CDH13: variants seen among roughly 807,000 people sequenced by gnomAD.
CDH13 encodes cadherin 13.
In CDH13, 24 loss-of-function variants were observed where a neutral mutation model predicts 63.8. That is an observed-to-expected ratio of 0.38 (90% CI 0.27 to 0.53). The LOEUF is 0.53. Among genes scored for constraint, CDH13 ranks in the 20% least tolerant of loss-of-function variants. The pLI, the probability that CDH13 is intolerant of heterozygous loss-of-function variation, is 0.85. For synonymous variants in CDH13, 503 were observed against 355.3 expected, an observed-to-expected ratio of 1.42 and a Z score of -4.67; for missense variants, 1,049 against 903.1, an observed-to-expected ratio of 1.16 and a Z score of -2.07.
At chr16:83,587,425 C>A (rs1906275214) in intron 7 of CDH13, among the ~76,000 whole-genome samples, 1 of 152,186 alleles carries the variant, frequency 6.6e-6, no homozygotes, top group Non-Finnish European at 1.5e-5. Context: ...CGGTGAGCTC[C>A]TGTGCTTCTG....
At chr16:83,699,451 T>A (rs765873971) in intron 10 of CDH13, among the ~76,000 whole-genome samples, 7 of 152,204 alleles carry the variant, frequency 4.6e-5, no homozygotes, top group Non-Finnish European at 7.4e-5. Context: ...TCCCAAGATT[T>A]CTGCAAATTC....
At chr16:82,636,288 T>C (rs1312423888) in intron 1 of CDH13, among the ~76,000 whole-genome samples, 1 of 151,902 alleles carries the variant, frequency 6.6e-6, no homozygotes, top group Non-Finnish European at 1.5e-5. Context: ...AGGGCTTCTC[T>C]ATGTGGGAGT....
chr16:82,791,591 C>G (rs2036307608), intron 1 of CDH13, among the ~76,000 whole-genome samples: 1 of 152,176 alleles, frequency 6.6e-6, no homozygotes, highest in South Asian at 2.1e-4. Context: ...TGAGCTTTCG[C>G]TCACCATCCA....
chr16:83,378,687 C>T (rs145536326), intron 6 of CDH13, among the ~76,000 whole-genome samples: 433 of 152,216 alleles, frequency 2.8e-3, no homozygotes, highest in African/African-American at 9.2e-3. Context: ...CTTGACTGCT[C>T]TGAGCCTTAG....
chr16:83,345,142 T>G, intron 6 of CDH13, 136 bp downstream of exon 6: 1 of 963,046 alleles, frequency 1.0e-6, no homozygotes, highest in Non-Finnish European at 1.5e-6. Flanking sequence ...CTTCCCTGCG[T>G]AGAAGCCAGG....
intron 4 of CDH13, among the ~76,000 whole-genome samples, chr16:83,200,074 C>G (rs1273397153): frequency 6.6e-6 from 1 of 152,154 alleles, no homozygotes; most frequent in African/African-American, 2.4e-5. Flanking sequence ...TCATTCCTTA[C>G]CTGATTCACA....
chr16:83,624,119 C>G (rs1910059064), intron 8 of CDH13, among the ~76,000 whole-genome samples: 1 of 152,168 alleles, frequency 6.6e-6, no homozygotes, highest in South Asian at 2.1e-4. Context: ...GCTGTCAGCT[C>G]TGCCTGTCTC....
At chr16:83,405,711 A>G (rs528978142) in intron 6 of CDH13, among the ~76,000 whole-genome samples, 9 of 152,316 alleles carry the variant, frequency 5.9e-5, no homozygotes, top group Admixed American at 3.9e-4. Context: ...CACACTCTGT[A>G]TGTGCACTGA....
intron 3 of CDH13, among the ~76,000 whole-genome samples, chr16:83,108,012 G>A (rs1430266570): frequency 6.6e-6 from 1 of 151,890 alleles, no homozygotes; most frequent in East Asian, 1.9e-4. Flanking sequence ...TAGTAGAGAC[G>A]GGGTTTCACC....
Position 82,961,158 on chromosome 16 carries a change from C to T in CDH13, c.158-70852C>T, listed in dbSNP as rs1031711449. 3.3e-5 allele frequency among the ~76,000 whole-genome samples: 5 copies of T among 152,170 alleles called. No individual in the cohort carries two copies. The East Asian group carries it at 5.8e-4, about 18-fold the overall frequency. On this transcript the variant is annotated intron_variant, in intron 2 of 13. Transcript: ENST00000567109. Reference sequence around the variant, plus strand: ...GCTGAATCCGACTCAGGCTTCATCCCAGCTCACATTCCACCTTCCCGACAA... The same window carrying T: ...GCTGAATCCGACTCAGGCTTCATCCTAGCTCACATTCCACCTTCCCGACAA...
intron 1 of CDH13, among the ~76,000 whole-genome samples, chr16:82,689,451 A>G (rs1372204849): frequency 6.6e-6 from 1 of 152,058 alleles, no homozygotes; most frequent in Admixed American, 6.6e-5. Context: ...ATAACATTGG[A>G]TTTTTTGTGG....
intron 1 of CDH13, among the ~76,000 whole-genome samples, chr16:82,674,229 G>C (rs1408531098): frequency 6.6e-6 from 1 of 152,126 alleles, no homozygotes; most frequent in Non-Finnish European, 1.5e-5. Context: ...ATTGGCCTAT[G>C]GAAGTCACCA....
At chr16:82,714,570 T>C (rs1213352409) in intron 1 of CDH13, among the ~76,000 whole-genome samples, 1 of 151,352 alleles carries the variant, frequency 6.6e-6, no homozygotes, top group Non-Finnish European at 1.5e-5. Context: ...ATAAATTAGC[T>C]GGGTGTGTTG....
At position 83,693,171 on chromosome 16, in the gene CDH13, C is replaced by T. The variant is rs1198380403; in HGVS notation, c.1538+14710C>T. On this transcript the variant is annotated intron_variant, in intron 10 of 13. Coordinates refer to ENST00000567109, the MANE Select transcript of CDH13 (RefSeq NM_001257.5). The stretch of plus-strand genomic sequence containing the variant: ...TTCCTGAGCACAAATCCCCACTTGT[C>T]CATCTTCCAGAAGTGTAACCTTGGG... Among the ~76,000 whole-genome samples, 4 of 152,332 alleles carry T rather than the reference C, an allele frequency of 2.6e-5. No individual in the cohort carries two copies. The South Asian group carries it at 6.2e-4, about 24-fold the overall frequency.
intron 4 of CDH13, among the ~76,000 whole-genome samples, chr16:83,168,105 T>G (rs1420535002): frequency 1.3e-5 from 2 of 151,980 alleles, no homozygotes; most frequent in Non-Finnish European, 2.9e-5. Context: ...CTGTGCTAGC[T>G]AGGTGACAGG....
intron 1 of CDH13, among the ~76,000 whole-genome samples, chr16:82,659,845 C>T (rs1333593808): frequency 1.1e-4 from 16 of 152,288 alleles, no homozygotes; most frequent in Middle Eastern, 6.8e-3. Context: ...CCAGAAGCAT[C>T]CCTGGCCTCT....
intron 1 of CDH13, chr16:82,639,433 G>C: frequency 1.3e-6 from 2 of 1,535,524 alleles, no homozygotes; most frequent in Non-Finnish European, 1.7e-6. Context: ...ACAGATGCCT[G>C]GGCGTGACCC....
At chr16:83,090,089 A>G (rs1202750628) in intron 3 of CDH13, among the ~76,000 whole-genome samples, 1 of 152,160 alleles carries the variant, frequency 6.6e-6, no homozygotes, top group Non-Finnish European at 1.5e-5. Flanking sequence ...CGTAGATTTG[A>G]GGCTTTGACT....
chr16:82,968,964 A>T (rs1178062031), intron 2 of CDH13, among the ~76,000 whole-genome samples: 1 of 152,136 alleles, frequency 6.6e-6, no homozygotes, highest in Non-Finnish European at 1.5e-5. Context: ...TACAAAATAT[A>T]CAAAAATTAG....
Sources: allele counts gnomAD v4.1 joint callset (sites outside exome capture counted in the v4.1 genomes callset), GRCh38; gene constraint gnomAD v4.1.1; transcripts MANE v1.5; gene names NCBI Gene and HGNC (gene_info 2026-07-23, HGNC 2026-07-21).